The following REDIC1 variants were observed in gnomAD, a reference collection of about 807,000 sequenced individuals.
REDIC1 encodes the protein HEI10 Interacting Protein 1.
chr12:39,859,438 T>C, the REDIC1 span, among the ~76,000 whole-genome samples: 1 of 149,798 alleles, frequency 6.7e-6, no homozygotes, highest in Admixed American at 6.7e-5. Context: ...ACTGTCCTGG[T>C]GAGGCTGACC....
At chr12:39,657,081 A>T in the REDIC1 span, among the ~76,000 whole-genome samples, 1 of 152,178 alleles carries the variant, frequency 6.6e-6, no homozygotes, top group East Asian at 1.9e-4. Flanking sequence ...AGGCCTTCAC[A>T]TTCACTCCCC....
chr12:39,903,755 C>T, the REDIC1 span, among the ~76,000 whole-genome samples: 2 of 152,074 alleles, frequency 1.3e-5, no homozygotes, highest in African/African-American at 4.8e-5. Flanking sequence ...GAAGCAAGCT[C>T]TATTCCTAGA....
the REDIC1 span, among the ~76,000 whole-genome samples, chr12:39,778,503 C>T: frequency 6.6e-6 from 1 of 152,066 alleles, no homozygotes; most frequent in Non-Finnish European, 1.5e-5. Flanking sequence ...CCACTCATAA[C>T]CCGGTTCCAA....
At chr12:39,871,986 T>C in the REDIC1 span, 1 of 1,523,534 alleles carries the variant, frequency 6.6e-7, no homozygotes, top group South Asian at 1.3e-5. Flanking sequence ...ATAAAACAAT[T>C]GCTATTGATA....
chr12:39,678,421 G>A, the REDIC1 span, among the ~76,000 whole-genome samples: 1 of 151,780 alleles, frequency 6.6e-6, no homozygotes, highest in Non-Finnish European at 1.5e-5. Flanking sequence ...CCAATGACAA[G>A]TAGTGAGATT....
chr12:39,711,708 CATGCAT>C, the REDIC1 span, among the ~76,000 whole-genome samples: 537 of 16,454 alleles, frequency 0.033, 7 homozygotes, highest in Admixed American at 0.092. Flanking sequence ...TGTGTATACA[CATGCAT>C]GTGTATGCAC....
At chr12:39,834,249 A>AT in the REDIC1 span, among the ~76,000 whole-genome samples, 1 of 152,000 alleles carries the variant, frequency 6.6e-6, no homozygotes, top group Admixed American at 6.6e-5. Context: ...AAAAGATATT[A>AT]TTTTTTCTCC....
the REDIC1 span, among the ~76,000 whole-genome samples, chr12:39,737,669 A>G: frequency 6.6e-6 from 1 of 152,230 alleles, no homozygotes. Context: ...AGTACAGTCA[A>G]TAGTGGAGAC....
the REDIC1 span, among the ~76,000 whole-genome samples, chr12:39,896,533 T>TGTGTATAC: frequency 7.1e-6 from 1 of 141,436 alleles, no homozygotes; most frequent in African/African-American, 2.8e-5. Flanking sequence ...TGTATACATG[T>TGTGTATAC]ATGTATGTAT....
At chr12:39,704,166 C>G in the REDIC1 span, among the ~76,000 whole-genome samples, 7 of 151,378 alleles carry the variant, frequency 4.6e-5, no homozygotes, top group Non-Finnish European at 1.0e-4. Flanking sequence ...ATTTTCGCAT[C>G]CTACTCATCT....
the REDIC1 span, among the ~76,000 whole-genome samples, chr12:39,750,135 T>C: frequency 9.8e-5 from 15 of 152,348 alleles, no homozygotes; most frequent in East Asian, 5.8e-4. Flanking sequence ...ATTGTCCCTG[T>C]TTGCAGATGA....
the REDIC1 span, chr12:39,864,653 C>T: frequency 2.0e-5 from 28 of 1,427,660 alleles, no homozygotes; most frequent in South Asian, 3.6e-4. Flanking sequence ...TTACATAAGC[C>T]TGGATGCCCA....
chr12:39,755,195 T>C, the REDIC1 span: 1 of 152,170 alleles, frequency 6.6e-6, no homozygotes, highest in Admixed American at 6.6e-5. Flanking sequence ...TACAATACTT[T>C]TGATACAGCA....
At chr12:39,720,915 T>TA in the REDIC1 span, 1 of 1,613,744 alleles carries the variant, frequency 6.2e-7, no homozygotes, top group Non-Finnish European at 8.5e-7. Context: ...ACAGGATTGT[T>TA]AAAAACGATG....
the REDIC1 span, among the ~76,000 whole-genome samples, chr12:39,639,944 G>A: frequency 4.0e-5 from 6 of 151,666 alleles, no homozygotes; most frequent in East Asian, 1.9e-4. Context: ...ATAGTGTTCC[G>A]CTGTTATTAA....
the REDIC1 span, among the ~76,000 whole-genome samples, chr12:39,702,671 T>C: frequency 3.3e-5 from 5 of 152,276 alleles, no homozygotes; most frequent in East Asian, 3.9e-4. Flanking sequence ...TGAACATTGA[T>C]GCAAAAATCC....
At chr12:39,628,924 G>A in the REDIC1 span, among the ~76,000 whole-genome samples, 2 of 152,154 alleles carry the variant, frequency 1.3e-5, no homozygotes, top group Admixed American at 6.5e-5. Context: ...TTGACTAGAG[G>A]CACCCAGCTA....
At chr12:39,838,519 A>G in the REDIC1 span, among the ~76,000 whole-genome samples, 10 of 133,854 alleles carry the variant, frequency 7.5e-5, no homozygotes, top group Non-Finnish European at 3.3e-5. Flanking sequence ...AAAAAAAAAA[A>G]AGAAAGGGAG....
chr12:39,863,372 A>G, the REDIC1 span, among the ~76,000 whole-genome samples: 90 of 152,258 alleles, frequency 5.9e-4, no homozygotes, highest in Admixed American at 2.2e-3. Flanking sequence ...TTCCTTTCCT[A>G]TATCAGAAGT....
Sources: allele counts gnomAD v4.1 joint callset (sites outside exome capture counted in the v4.1 genomes callset), GRCh38; gene constraint gnomAD v4.1.1; transcripts MANE v1.5; gene names NCBI Gene and HGNC (gene_info 2026-07-23, HGNC 2026-07-21).